The following ZNF277 variants were observed in gnomAD, a reference collection of about 807,000 sequenced individuals.
ZNF277 encodes the protein nuclear receptor-interacting factor 4.
ZNF277 carries 55 observed loss-of-function variants against 60.7 expected under a neutral mutation model. The ratio of observed to expected loss-of-function variants is 0.91; its 90% CI spans 0.73 to 1.13. The LOEUF (loss-of-function observed/expected upper bound fraction) is 1.13. ZNF277 is among the 50% of genes most tolerant of loss of function. ZNF277 has a pLI of 0.00. For synonymous variants in ZNF277, 178 were observed against 179.3 expected (o/e 0.99, Z 0.06); for missense variants, 510 against 523.0 (o/e 0.98, Z 0.24).
intron 1 of ZNF277, among the ~76,000 whole-genome samples, chr7:112,255,145 A>G (rs540240814): frequency 1.3e-5 from 2 of 152,330 alleles, no homozygotes; most frequent in South Asian, 4.1e-4. Context: ...CACCTTTTTG[A>G]AAGAAGTCTT....
At chr7:112,255,516 C>T (rs1791288995) in intron 1 of ZNF277, among the ~76,000 whole-genome samples, 1 of 152,130 alleles carries the variant, frequency 6.6e-6, no homozygotes, top group Non-Finnish European at 1.5e-5. Context: ...CCTGAAATCC[C>T]ACATGTCAGG....
chr7:112,301,742 C>T (rs1792475282), intron 4 of ZNF277, among the ~76,000 whole-genome samples: 1 of 150,800 alleles, frequency 6.6e-6, no homozygotes, highest in South Asian at 2.1e-4. Flanking sequence ...TTTGGCTTTT[C>T]AATTATAGTT....
chr7:112,239,231 C>T (rs1386157948), intron 1 of ZNF277, among the ~76,000 whole-genome samples: 1 of 152,164 alleles, frequency 6.6e-6, no homozygotes, highest in Non-Finnish European at 1.5e-5. Flanking sequence ...GAAAAGAAAG[C>T]ACCAGTAGAT....
chr7:112,270,333 G>T (rs10272188), intron 1 of ZNF277, among the ~76,000 whole-genome samples: 21,487 of 152,058 alleles, frequency 0.14, 1,581 homozygotes, highest in Non-Finnish European at 0.15. Context: ...AACCCAGGAA[G>T]AAATGCCTTT....
chr7:112,239,439 C>T (rs1271974123), intron 1 of ZNF277, among the ~76,000 whole-genome samples: 2 of 152,188 alleles, frequency 1.3e-5, no homozygotes, highest in Non-Finnish European at 2.9e-5. Flanking sequence ...AGTACTGCTC[C>T]GGCTTCAGGT....
intron 11 of ZNF277, among the ~76,000 whole-genome samples, chr7:112,341,452 C>CT (rs1372007002): frequency 1.3e-5 from 2 of 152,152 alleles, no homozygotes; most frequent in Non-Finnish European, 2.9e-5. Flanking sequence ...TTGTTTCTTA[C>CT]TTTTTGCTAT....
chr7:112,265,388 C>T (rs1451016608), intron 1 of ZNF277, among the ~76,000 whole-genome samples: 2 of 152,054 alleles, frequency 1.3e-5, no homozygotes, highest in African/African-American at 2.4e-5. Flanking sequence ...AGAACACACA[C>T]GTTTATCTTA....
At chr7:112,338,781 C>T (rs1408066409) in intron 9 of ZNF277, among the ~76,000 whole-genome samples, 1 of 152,158 alleles carries the variant, frequency 6.6e-6, no homozygotes, top group Non-Finnish European at 1.5e-5. Context: ...TTGAAGGCAG[C>T]CTTAGTATGC....
At position 112,282,864 on chromosome 7, in the gene ZNF277, C is replaced by A. The variant is rs188189558; in HGVS notation, c.92-4009C>A. ...GCAGGCAGGTCATTTCACCTCTCAC[C>A]CCCTCAGTTCCTTCATCTGTAAAAC... On this transcript the variant is annotated intron_variant, in intron 1 of 11. Transcript: ENST00000361822. 4.6e-5 allele frequency among the ~76,000 whole-genome samples: 7 copies of A among 152,332 alleles called. No individual in the cohort carries two copies. In the East Asian group the frequency reaches 1.3e-3, roughly 29 times the overall value.
Position 112,295,922 on chromosome 7 carries a change from G to A in ZNF277, c.347G>A (p.Cys116Tyr). 3 of 1,612,876 alleles carry A rather than the reference G, an allele frequency of 1.9e-6. No individual in the cohort carries two copies. Among genetic ancestry groups the A allele is most frequent in the Non-Finnish European group, 2.5e-6 (3 of 1,179,266 alleles). Residue 116 changes from cysteine (C) to tyrosine (Y), a missense_variant, in exon 3 of 12, where the codon TGT becomes TAT. Coordinates refer to ENST00000361822, the MANE Select transcript of ZNF277 (RefSeq NM_021994.3). ...RFTEQPITDF[C>Y]SVIRINSTAP... Reference sequence around the variant, plus strand: ...ACTGAACAGCCCATCACAGATTTTTGTAGTGTAATAAGAATTAATTCCACT... The same window carrying A: ...ACTGAACAGCCCATCACAGATTTTTATAGTGTAATAAGAATTAATTCCACT...
chr7:112,233,468 T>C (rs1822393976), intron 1 of ZNF277, among the ~76,000 whole-genome samples: 1 of 152,190 alleles, frequency 6.6e-6, no homozygotes, highest in East Asian at 1.9e-4. Context: ...CAACTACTTT[T>C]AGCATATAAG....
intron 1 of ZNF277, among the ~76,000 whole-genome samples, chr7:112,245,743 T>C (rs1791068297): frequency 6.6e-6 from 1 of 152,210 alleles, no homozygotes; most frequent in South Asian, 2.1e-4. Context: ...AAATTTTTCC[T>C]TTTTGTAAGG....
At chr7:112,215,156 T>G (rs2116952053) in intron 1 of ZNF277, among the ~76,000 whole-genome samples, 1 of 152,314 alleles carries the variant, frequency 6.6e-6, no homozygotes, top group South Asian at 2.1e-4. Flanking sequence ...AGCTGTCAGC[T>G]AAAAGCTGTA....
intron 1 of ZNF277, among the ~76,000 whole-genome samples, chr7:112,265,259 ACT>A (rs1791524182): frequency 6.6e-6 from 1 of 151,916 alleles, no homozygotes; most frequent in Non-Finnish European, 1.5e-5. Flanking sequence ...CAGACTTGAG[ACT>A]CTTCACTTGA....
rs762824873 is a variant in ZNF277 at position 112,310,478 on chromosome 7, A to AGAGAGAGAGAGAGAGT, written c.466-7703_466-7702insAGAGAGAGAGAGAGTG. Among the ~76,000 whole-genome samples the AGAGAGAGAGAGAGAGT allele has an allele frequency of 3.8e-3, 471 of 125,562 alleles. 17 individuals are homozygous for AGAGAGAGAGAGAGAGT. Among genetic ancestry groups the AGAGAGAGAGAGAGAGT allele is most frequent in the African/African-American group, 0.016 (412 of 25,792 alleles). 82.4% of individuals were successfully genotyped at this position (125,562 alleles called of 152,430 possible). A position where few individuals can be genotyped will look rare whatever the true frequency, so the allele number is the denominator to read the frequency against. On this transcript the variant is annotated intron_variant, in intron 4 of 11. Coordinates refer to ENST00000361822, the MANE Select transcript of ZNF277 (RefSeq NM_021994.3). ...TTGAGAGAGAGAGAGAGAGAGAGAGAGTGTGTGTGTGTGTATGTATTTTAT... is the reference window on the plus strand; with the variant it reads ...TTGAGAGAGAGAGAGAGAGAGAGAGAGAGAGAGAGAGAGAGTGTGTGTGTGTGTGTATGTATTTTAT...
chr7:112,276,418 C>G (rs150933313), intron 1 of ZNF277, among the ~76,000 whole-genome samples: 2 of 152,216 alleles, frequency 1.3e-5, no homozygotes, highest in Non-Finnish European at 2.9e-5. Context: ...ACAAAAGATG[C>G]TACAAAGCTT....
intron 1 of ZNF277, among the ~76,000 whole-genome samples, chr7:112,254,595 G>A (rs1563205278): frequency 6.6e-6 from 1 of 152,140 alleles, no homozygotes; most frequent in African/African-American, 2.4e-5. Flanking sequence ...AATAAATATG[G>A]CATTACACAA....
chr7:112,227,035 A>G (rs1191743972), intron 1 of ZNF277, among the ~76,000 whole-genome samples: 8 of 152,194 alleles, frequency 5.3e-5, no homozygotes, highest in African/African-American at 1.4e-4. Context: ...TAAATGACAC[A>G]GCTGCATTGC....
intron 1 of ZNF277, among the ~76,000 whole-genome samples, chr7:112,261,755 C>A (rs1223607831): frequency 2.6e-5 from 4 of 152,154 alleles, no homozygotes; most frequent in African/African-American, 9.7e-5. Flanking sequence ...GCTTAATCCT[C>A]TTGAATATCA....
Sources: gnomAD v4.1 joint callset for allele counts (sites outside exome capture counted in the v4.1 genomes callset) on GRCh38, gnomAD v4.1.1 for gene constraint, MANE v1.5 for transcripts, NCBI Gene and HGNC (gene_info 2026-07-23, HGNC 2026-07-21) for gene names.